ADAMTS19: variants seen among roughly 807,000 people sequenced by gnomAD.
ADAMTS19 encodes A disintegrin and metalloproteinase with thrombospondin motifs 19.
Under a neutral mutation model 153.3 loss-of-function variants are expected in ADAMTS19, and 93 were observed. That is an observed-to-expected ratio of 0.61 (90% confidence interval 0.51 to 0.72). ADAMTS19 has a LOEUF of 0.72. ADAMTS19 is among the 30% of genes least tolerant of loss of function. The probability of loss-of-function intolerance (pLI) is 0.00; values close to 1 mark genes in which losing one functional copy is unlikely to be tolerated. For missense variants in ADAMTS19, 1,482 were observed against 1,552.1 expected (o/e 0.95, Z 0.76); for synonymous variants, 600 against 556.6 (o/e 1.08, Z -1.10).
At chr5:129,511,200 T>C (rs1325811022) in intron 3 of ADAMTS19, among the ~76,000 whole-genome samples, 1 of 151,940 alleles carries the variant, frequency 6.6e-6, no homozygotes, top group Non-Finnish European at 1.5e-5. Context: ...TTTGCTTGTC[T>C]TCAACTTGGT....
intron 3 of ADAMTS19, among the ~76,000 whole-genome samples, chr5:129,511,054 A>C (rs150714920): frequency 6.6e-6 from 1 of 151,806 alleles, no homozygotes; most frequent in Non-Finnish European, 1.5e-5. Flanking sequence ...GAAATAAAAT[A>C]TTTATTTACG....
chr5:129,526,582 T>TA (rs1421571069), intron 4 of ADAMTS19, 126 bp downstream of exon 4: 27 of 908,652 alleles, frequency 3.0e-5, no homozygotes, highest in African/African-American at 3.6e-5. Flanking sequence ...TTGTCATCAG[T>TA]AAAAAAATAC....
chr5:129,553,870 T>A, intron 7 of ADAMTS19, among the ~76,000 whole-genome samples: 1 of 152,196 alleles, frequency 6.6e-6, no homozygotes, highest in East Asian at 1.9e-4. Flanking sequence ...TATGCCTATG[T>A]CTGGAGTCAT....
chr5:129,470,429 T>C (rs2126649476), intron 2 of ADAMTS19, among the ~76,000 whole-genome samples: 1 of 152,314 alleles, frequency 6.6e-6, no homozygotes, highest in Admixed American at 6.5e-5. Flanking sequence ...TGAATTATGA[T>C]TTGGAGGTTT....
At chr5:129,705,819 G>A (rs1446674894) in intron 21 of ADAMTS19, among the ~76,000 whole-genome samples, 1 of 152,184 alleles carries the variant, frequency 6.6e-6, no homozygotes, top group East Asian at 1.9e-4. Context: ...AGATACGGAG[G>A]ACAATTCTCA....
chr5:129,475,404 T>C (rs1224157456), intron 2 of ADAMTS19, among the ~76,000 whole-genome samples: 1 of 152,260 alleles, frequency 6.6e-6, no homozygotes, highest in African/African-American at 2.4e-5. Flanking sequence ...GAGTTTATTT[T>C]TGAACTACTT....
intron 8 of ADAMTS19, among the ~76,000 whole-genome samples, chr5:129,618,926 T>G (rs1455795221): frequency 1.3e-5 from 2 of 151,988 alleles, no homozygotes; most frequent in Non-Finnish European, 1.5e-5. Flanking sequence ...ATTGAACCCA[T>G]GATTCAACAT....
chr5:129,621,467 T>C (rs946311994), intron 9 of ADAMTS19, among the ~76,000 whole-genome samples: 4 of 152,334 alleles, frequency 2.6e-5, no homozygotes, highest in Admixed American at 2.0e-4. Context: ...TGAACTTTAT[T>C]CACTTTTGTA....
intron 18 of ADAMTS19, among the ~76,000 whole-genome samples, chr5:129,685,844 G>A (rs552824566): frequency 2.0e-5 from 3 of 152,284 alleles, no homozygotes; most frequent in Middle Eastern, 3.4e-3. Context: ...AAAAATTGCT[G>A]AAGTGTTATC....
chr5:129,666,398 AG>A (rs745956377), intron 16 of ADAMTS19, among the ~76,000 whole-genome samples: 12 of 151,742 alleles, frequency 7.9e-5, no homozygotes, highest in Non-Finnish European at 1.5e-4. Context: ...ACACAAAAAA[AG>A]CTCTCAAGCC....
intron 13 of ADAMTS19, among the ~76,000 whole-genome samples, chr5:129,653,352 T>C (rs1383397792): frequency 2.0e-5 from 3 of 152,206 alleles, no homozygotes; most frequent in Non-Finnish European, 4.4e-5. Context: ...ATAGTATTAC[T>C]AGTGTTACCA....
chr5:129,665,655 G>A, intron 16 of ADAMTS19, 76 bp downstream of exon 16: 2 of 1,130,148 alleles, frequency 1.8e-6, no homozygotes, highest in African/African-American at 1.6e-5. Flanking sequence ...ATGATGAGGA[G>A]GAAGTCAATC....
chr5:129,737,777 G>A lies in ADAMTS19; in HGVS notation c.*559G>A, dbSNP rs1227453851. On this transcript the variant is annotated 3_prime_UTR_variant, in exon 23 of 23. Transcript: ENST00000274487. The stretch of plus-strand genomic sequence containing the variant: ...TATAGACATCCATAGGAAAAATTCT[G>A]CTGTAATTATAACCTTATTTTGATA... 4 of 152,382 alleles carry A rather than the reference G, an allele frequency of 2.6e-5. No homozygotes were observed. Among genetic ancestry groups the A allele is most frequent in the African/African-American group, 7.2e-5 (3 of 41,392 alleles). 9.4% of individuals were successfully genotyped at this position (152,382 alleles called of 1,614,324 possible). A position where few individuals can be genotyped will look rare whatever the true frequency, so the allele number is the denominator to read the frequency against.
At chr5:129,518,566 G>T (rs1751689203) in intron 3 of ADAMTS19, among the ~76,000 whole-genome samples, 1 of 151,986 alleles carries the variant, frequency 6.6e-6, no homozygotes, top group Non-Finnish European at 1.5e-5. Context: ...GTGTATTGGA[G>T]CTCAATTGTA....
chr5:129,513,624 AT>A (rs1751506188), intron 3 of ADAMTS19, among the ~76,000 whole-genome samples: 1 of 151,852 alleles, frequency 6.6e-6, no homozygotes, highest in Non-Finnish European at 1.5e-5. Context: ...TAGTATTTGT[AT>A]CCTCATTTCT....
chr5:129,703,840 C>T (rs1756022173), intron 20 of ADAMTS19, among the ~76,000 whole-genome samples: 1 of 152,142 alleles, frequency 6.6e-6, no homozygotes, highest in South Asian at 2.1e-4. Flanking sequence ...TTTTCACAAA[C>T]ATGTCTTCCA....
chr5:129,535,398 A>G (rs1374609187), intron 6 of ADAMTS19, among the ~76,000 whole-genome samples: 3 of 152,182 alleles, frequency 2.0e-5, no homozygotes, highest in African/African-American at 7.2e-5. Context: ...ACCACTGCTC[A>G]ATGAAATAAA....
intron 13 of ADAMTS19, among the ~76,000 whole-genome samples, chr5:129,650,388 C>T (rs532735477): frequency 1.3e-5 from 2 of 152,216 alleles, no homozygotes; most frequent in South Asian, 4.2e-4. Flanking sequence ...ATTTCAGTGC[C>T]CCCATCTGAT....
chr5:129,550,963 T>G (rs1397809744), intron 6 of ADAMTS19, among the ~76,000 whole-genome samples: 1 of 151,644 alleles, frequency 6.6e-6, no homozygotes, highest in Non-Finnish European at 1.5e-5. Flanking sequence ...GCTTACTTTG[T>G]GTGTGGCGCT....
Sources: allele counts gnomAD v4.1 joint callset (sites outside exome capture counted in the v4.1 genomes callset), GRCh38; gene constraint gnomAD v4.1.1; transcripts MANE v1.5; gene names NCBI Gene and HGNC (gene_info 2026-07-23, HGNC 2026-07-21).